The following RPS6KA3 variants were observed in gnomAD, a reference collection of about 807,000 sequenced individuals.
RPS6KA3 encodes the protein ribosomal protein S6 kinase A3, also known as ribosomal protein S6 kinase alpha-3.
Under a neutral mutation model 67.2 loss-of-function variants are expected in RPS6KA3, and 4 were observed. The ratio of observed to expected loss-of-function variants is 0.06; its 90% CI spans 0.03 to 0.14. The LOEUF (loss-of-function observed/expected upper bound fraction) is 0.14. Among genes scored for constraint, RPS6KA3 ranks in the 10% least tolerant of loss-of-function variants. The pLI is 1.00. For synonymous variants in RPS6KA3, 182 were observed against 183.7 expected (o/e 0.99, Z 0.07); for missense variants, 204 against 559.0 (o/e 0.36, Z 6.40).
chrX:20,257,248 C>T (rs1186537678), intron 1 of RPS6KA3, among the ~76,000 whole-genome samples: 2 of 111,948 alleles, frequency 1.8e-5, no homozygotes, highest in Non-Finnish European at 3.8e-5. Context: ...CTTAACGTAC[C>T]CCTCACCCTT....
At chrX:20,246,122 GA>G (rs5901672) in intron 1 of RPS6KA3, among the ~76,000 whole-genome samples, 17,028 of 52,399 alleles carry the variant, frequency 0.32, 2,644 homozygotes, top group African/African-American at 0.57. Flanking sequence ...TCTCGGAAAA[GA>G]AAAAAAAAAA....
chrX:20,228,370 T>A (rs781043225), intron 2 of RPS6KA3, among the ~76,000 whole-genome samples: 2 of 111,761 alleles, frequency 1.8e-5, no homozygotes, highest in East Asian at 5.6e-4. Context: ...AAGGACAGTA[T>A]CTGACATTTC....
rs770947261 is a variant in RPS6KA3 at position 20,245,869 on chromosome X, T to C, written c.70-11055A>G. On this transcript the variant is annotated intron_variant, in intron 1 of 21. Coordinates refer to ENST00000379565, the MANE Select transcript of RPS6KA3 (RefSeq NM_004586.3). ...GCGCGGTGGCTCACACCTGTAATCCTAGCACCTTGGGAGGCCGAGGCAGGA... is the reference window on the plus strand; with the variant it reads ...GCGCGGTGGCTCACACCTGTAATCCCAGCACCTTGGGAGGCCGAGGCAGGA... 6.1e-4 allele frequency among the ~76,000 whole-genome samples: 68 copies of C among 110,863 alleles called. 1 individual carries two copies. Among genetic ancestry groups the C allele is most frequent in the African/African-American group, 2.0e-3 (62 of 30,415 alleles).
intron 3 of RPS6KA3, among the ~76,000 whole-genome samples, chrX:20,206,622 G>A (rs897728009): frequency 8.9e-6 from 1 of 112,119 alleles, no homozygotes; most frequent in African/African-American, 3.2e-5. Context: ...AGTCTAGTGG[G>A]GGAGACAGCC....
chrX:20,244,907 G>C (rs1284734801), intron 1 of RPS6KA3, among the ~76,000 whole-genome samples: 1 of 111,257 alleles, frequency 9.0e-6, no homozygotes, highest in Non-Finnish European at 1.9e-5. Context: ...CTCCTAAAAG[G>C]GATTTCTTTA....
chrX:20,191,298 CTT>C (rs1324427402), intron 7 of RPS6KA3, among the ~76,000 whole-genome samples: 1 of 111,631 alleles, frequency 9.0e-6, no homozygotes, highest in African/African-American at 3.3e-5. Flanking sequence ...GGTTCCAAGT[CTT>C]TGCTATTGTG....
chrX:20,190,869 CTTTTTT>C, intron 7 of RPS6KA3, among the ~76,000 whole-genome samples: 1 of 102,913 alleles, frequency 9.7e-6, no homozygotes, highest in South Asian at 4.2e-4. Context: ...TTTGTACTAA[CTTTTTT>C]TTTTTTTTAT....
chrX:20,232,073 T>C (rs1006138351), intron 2 of RPS6KA3, among the ~76,000 whole-genome samples: 9 of 112,253 alleles, frequency 8.0e-5, no homozygotes, highest in Non-Finnish European at 1.9e-5. Flanking sequence ...GATAACAGGC[T>C]ATCTATTTGG....
chrX:20,262,082 T>C (rs944565786), intron 1 of RPS6KA3, among the ~76,000 whole-genome samples: 2 of 111,682 alleles, frequency 1.8e-5, no homozygotes, highest in African/African-American at 3.3e-5. Flanking sequence ...ACCACCACCA[T>C]GTCAGTGTGT....
At chrX:20,199,176 C>G (rs753259342) in intron 4 of RPS6KA3, among the ~76,000 whole-genome samples, 170 of 111,141 alleles carry the variant, frequency 1.5e-3, no homozygotes, top group Non-Finnish European at 1.8e-3. Context: ...AGCCAGGAGT[C>G]TATCTTTTAG....
intron 1 of RPS6KA3, among the ~76,000 whole-genome samples, chrX:20,236,381 A>G (rs2069412191): frequency 8.9e-6 from 1 of 111,864 alleles, no homozygotes; most frequent in Non-Finnish European, 1.9e-5. Flanking sequence ...CAAGTATACA[A>G]GGATCTAAGC....
rs753395289 is a variant in RPS6KA3 at position 20,266,419 on chromosome X, C to T, written c.69+145G>A. The T allele has an allele frequency of 5.6e-4, 271 of 486,098 alleles. No individual in the cohort carries two copies. The South Asian group carries it at 7.2e-3, about 13-fold the overall frequency. 40.1% of individuals were successfully genotyped at this position (486,098 alleles called of 1,213,427 possible). On this transcript the variant is annotated intron_variant, in intron 1 of 21. Transcript: ENST00000379565. ...GACAGACCGGCCAATAGACCCACCC[C>T]AACAACCCAAACCAAAACCCTGAGC... is the stretch of plus-strand genomic sequence containing the variant.
intron 1 of RPS6KA3, among the ~76,000 whole-genome samples, chrX:20,244,559 T>C (rs758802797): frequency 8.9e-6 from 1 of 112,297 alleles, no homozygotes; most frequent in Non-Finnish European, 1.9e-5. Flanking sequence ...GGTGAGTTAT[T>C]ACGCAGAGAA....
At chrX:20,258,173 C>T (rs1487002491) in intron 1 of RPS6KA3, among the ~76,000 whole-genome samples, 1 of 111,707 alleles carries the variant, frequency 9.0e-6, no homozygotes, top group Admixed American at 9.5e-5. Context: ...AGCCAATAGC[C>T]ACTGGTGACT....
At chrX:20,213,944 TA>T (rs200281745) in intron 2 of RPS6KA3, among the ~76,000 whole-genome samples, 5 of 104,582 alleles carry the variant, frequency 4.8e-5, no homozygotes, top group Non-Finnish European at 5.9e-5. Context: ...TGAGGGGACT[TA>T]AAAAAAAAAC....
intron 2 of RPS6KA3, among the ~76,000 whole-genome samples, chrX:20,211,550 CA>C (rs1450057643): frequency 8.0e-4 from 73 of 91,041 alleles, no homozygotes; most frequent in East Asian, 2.7e-3. Context: ...GAAAAAAAAA[CA>C]AAAAAAAAAA....
rs985895885 is a variant in RPS6KA3, at chrX:20,194,004, G to A, written c.486+185C>T. Reference sequence around the variant, plus strand: ...GGGTTAAGACAAAGACTGTTTATTTGTCAATTTAAAGTCCTGCTTTCAGAA... The same window carrying A: ...GGGTTAAGACAAAGACTGTTTATTTATCAATTTAAAGTCCTGCTTTCAGAA... On this transcript the variant is annotated intron_variant, in intron 6 of 21. Transcript: ENST00000379565. Among the ~76,000 whole-genome samples the A allele has an allele frequency of 2.7e-5, 3 of 112,423 alleles. No individual in the cohort carries two copies. The Admixed American group carries it at 2.8e-4, about 11-fold the overall frequency.
intron 1 of RPS6KA3, among the ~76,000 whole-genome samples, chrX:20,240,283 T>C (rs12856531): frequency 1.1e-5 from 1 of 87,345 alleles, no homozygotes; most frequent in Non-Finnish European, 2.1e-5. Flanking sequence ...ACAAGGACCA[T>C]ACTTTTTTTT....
intron 14 of RPS6KA3, among the ~76,000 whole-genome samples, chrX:20,174,497 C>T (rs1355371741): frequency 9.3e-6 from 1 of 108,098 alleles, no homozygotes; most frequent in East Asian, 2.9e-4. Context: ...TACAGGCATG[C>T]GCCACCACGC....
Sources: allele counts gnomAD v4.1 joint callset (sites outside exome capture counted in the v4.1 genomes callset), GRCh38; gene constraint gnomAD v4.1.1; transcripts MANE v1.5; gene names NCBI Gene and HGNC (gene_info 2026-07-23, HGNC 2026-07-21).